NKAIN2: variants seen among roughly 807,000 people sequenced by gnomAD.
NKAIN2 encodes sodium/potassium transporting ATPase interacting 2.
NKAIN2 carries 14 observed loss-of-function variants against 32.6 expected under a neutral mutation model. The observed-to-expected ratio is 0.43, with a 90% CI of 0.28 to 0.67. The LOEUF (loss-of-function observed/expected upper bound fraction) is 0.67. Among genes scored for constraint, NKAIN2 ranks in the 30% least tolerant of loss-of-function variants. The pLI, the probability that NKAIN2 is intolerant of heterozygous loss-of-function variation, is 0.17. For synonymous variants in NKAIN2, 80 were observed against 87.2 expected (o/e 0.92, Z 0.46); for missense variants, 198 against 258.3 (o/e 0.77, Z 1.60).
intron 3 of NKAIN2, among the ~76,000 whole-genome samples, chr6:124,384,044 A>G (rs926558821): frequency 2.0e-5 from 3 of 152,186 alleles, no homozygotes; most frequent in African/African-American, 7.2e-5. Flanking sequence ...AGTATTCAAT[A>G]AACATTAATT....
intron 3 of NKAIN2, among the ~76,000 whole-genome samples, chr6:124,459,490 A>G (rs1322792857): frequency 6.6e-6 from 1 of 151,932 alleles, no homozygotes; most frequent in African/African-American, 2.4e-5. Flanking sequence ...AGCTGAGTGT[A>G]ATCACAAATG....
At chr6:124,646,344 A>G (rs1029835189) in intron 3 of NKAIN2, among the ~76,000 whole-genome samples, 1 of 152,060 alleles carries the variant, frequency 6.6e-6, no homozygotes, top group Non-Finnish European at 1.5e-5. Flanking sequence ...CTTGGTAAAG[A>G]AAATCTCAGA....
chr6:124,095,075 ATTC>A (rs1471074778), intron 1 of NKAIN2, among the ~76,000 whole-genome samples: 3 of 152,146 alleles, frequency 2.0e-5, no homozygotes, highest in Admixed American at 1.3e-4. Flanking sequence ...GAATTTAGAA[ATTC>A]TTCTTCAAAA....
At chr6:124,410,172 GT>G (rs758107791) in intron 3 of NKAIN2, among the ~76,000 whole-genome samples, 105 of 152,120 alleles carry the variant, frequency 6.9e-4, no homozygotes, top group South Asian at 1.7e-3. Context: ...TTTTTGAAGG[GT>G]TTTTTGTGTC....
At chr6:124,381,418 A>G (rs1772628775) in intron 3 of NKAIN2, among the ~76,000 whole-genome samples, 1 of 152,190 alleles carries the variant, frequency 6.6e-6, no homozygotes, top group African/African-American at 2.4e-5. Context: ...GAGATAAAAT[A>G]AAAAGTGTTG....
chr6:123,889,309 T>A, intron 1 of NKAIN2, among the ~76,000 whole-genome samples: 1 of 152,092 alleles, frequency 6.6e-6, no homozygotes, highest in East Asian at 1.9e-4. Flanking sequence ...ATGTCCTGCT[T>A]AAGTCACTAA....
chr6:124,701,089 C>G (rs551071278), intron 4 of NKAIN2, among the ~76,000 whole-genome samples: 2 of 146,310 alleles, frequency 1.4e-5, no homozygotes, highest in South Asian at 4.4e-4. Context: ...CTGTGATCAT[C>G]TAGAATTTTT....
At chr6:124,611,466 C>A (rs1782686466) in intron 3 of NKAIN2, among the ~76,000 whole-genome samples, 1 of 151,888 alleles carries the variant, frequency 6.6e-6, no homozygotes, top group African/African-American at 2.4e-5. Flanking sequence ...ACCTGTCAAC[C>A]CATCATCTAA....
chr6:124,186,085 C>G (rs1274058860), intron 1 of NKAIN2, among the ~76,000 whole-genome samples: 2 of 142,114 alleles, frequency 1.4e-5, no homozygotes, highest in Non-Finnish European at 3.0e-5. Context: ...AGTTAGAGAC[C>G]AGCCTAGGCA....
At chr6:124,044,706 A>G (rs947830038) in intron 1 of NKAIN2, among the ~76,000 whole-genome samples, 4 of 152,032 alleles carry the variant, frequency 2.6e-5, no homozygotes, top group African/African-American at 9.7e-5. Context: ...CAGAGTTTAA[A>G]TGGTATTTTT....
At chr6:124,359,265 T>G (rs1799152332) in intron 3 of NKAIN2, among the ~76,000 whole-genome samples, 2 of 151,992 alleles carry the variant, frequency 1.3e-5, no homozygotes, top group African/African-American at 2.4e-5. Context: ...GGCTCTTTTT[T>G]GTTCCATATG....
intron 1 of NKAIN2, among the ~76,000 whole-genome samples, chr6:124,098,875 A>AAAT (rs963835092): frequency 1.3e-4 from 20 of 151,858 alleles, no homozygotes; most frequent in East Asian, 3.9e-4. Flanking sequence ...GTTTCAAGAA[A>AAAT]AATAATAATA....
intron 3 of NKAIN2, among the ~76,000 whole-genome samples, chr6:124,525,980 C>G (rs1282976116): frequency 6.6e-6 from 1 of 152,044 alleles, no homozygotes; most frequent in Admixed American, 6.6e-5. Flanking sequence ...TTACAGCGTG[C>G]AGAGATACAG....
rs1013815021 is a variant in NKAIN2 at position 124,392,546 on chromosome 6, G to A, written c.273+37199G>A. On this transcript the variant is annotated intron_variant, in intron 3 of 6. Coordinates refer to ENST00000368417, the MANE Select transcript of NKAIN2 (RefSeq NM_001040214.3). Reference sequence around the variant, plus strand: ...GAAGTGTGTGTGTGTGCGCTTGTGTGTATTTGCCCTGAGCCGAAGAAAAGT... The same window carrying A: ...GAAGTGTGTGTGTGTGCGCTTGTGTATATTTGCCCTGAGCCGAAGAAAAGT... Among the ~76,000 whole-genome samples the A allele has an allele frequency of 1.9e-4, 29 of 152,242 alleles. No homozygotes were observed. In the South Asian group the frequency reaches 5.8e-3, roughly 30 times the overall value.
At chr6:124,380,430 C>T (rs1450008445) in intron 3 of NKAIN2, among the ~76,000 whole-genome samples, 3 of 152,182 alleles carry the variant, frequency 2.0e-5, no homozygotes, top group African/African-American at 7.2e-5. Context: ...GGAATACTAG[C>T]AGACATAATG....
At chr6:124,052,175 AC>A (rs1782441109) in intron 1 of NKAIN2, among the ~76,000 whole-genome samples, 1 of 152,088 alleles carries the variant, frequency 6.6e-6, no homozygotes, top group Non-Finnish European at 1.5e-5. Flanking sequence ...TGTTACTCTG[AC>A]CATGTTATAG....
At chr6:123,995,011 A>C (rs1466455096) in intron 1 of NKAIN2, among the ~76,000 whole-genome samples, 1 of 152,182 alleles carries the variant, frequency 6.6e-6, no homozygotes, top group African/African-American at 2.4e-5. Context: ...GCAACGTTAA[A>C]TTCTGAGTTT....
At chr6:124,438,065 A>T (rs1775535938) in intron 3 of NKAIN2, 1 of 233,760 alleles carries the variant, frequency 4.3e-6, no homozygotes, top group African/African-American at 2.3e-5. Flanking sequence ...TTCACATATG[A>T]TTATCCAGTG....
chr6:124,542,128 A>G (rs1779934618), intron 3 of NKAIN2, among the ~76,000 whole-genome samples: 1 of 152,092 alleles, frequency 6.6e-6, no homozygotes, highest in Admixed American at 6.5e-5. Flanking sequence ...CATTTAAGGT[A>G]AAAGGAAAAT....
Sources: allele counts gnomAD v4.1 joint callset (sites outside exome capture counted in the v4.1 genomes callset), GRCh38; gene constraint gnomAD v4.1.1; transcripts MANE v1.5; gene names NCBI Gene and HGNC (gene_info 2026-07-23, HGNC 2026-07-21).